The following PTGER3 variants were observed in gnomAD, a reference collection of about 807,000 sequenced individuals.
PTGER3 encodes prostaglandin E2 receptor EP3 subtype.
PTGER3 carries 22 observed loss-of-function variants against 34.7 expected under a neutral mutation model. The ratio of observed to expected loss-of-function variants is 0.63; its 90% CI spans 0.45 to 0.91. The LOEUF is 0.91. Among genes scored for constraint, PTGER3 ranks in the 40% least tolerant of loss-of-function variants. The pLI is 0.00. For synonymous variants in PTGER3, 241 were observed against 230.1 expected (o/e 1.05, Z -0.43); for missense variants, 468 against 519.4 (o/e 0.90, Z 0.96).
chr1:70,879,048 TG>T (rs1646330802), intron 4 of PTGER3, among the ~76,000 whole-genome samples: 1 of 152,180 alleles, frequency 6.6e-6, no homozygotes, highest in Admixed American at 6.5e-5. Context: ...CTCAATGATA[TG>T]GTTAATATGG....
intron 4 of PTGER3, among the ~76,000 whole-genome samples, chr1:70,855,736 A>G (rs537152834): frequency 2.0e-5 from 3 of 152,310 alleles, no homozygotes; most frequent in African/African-American, 4.8e-5. Context: ...CTCATCATTG[A>G]TAAAATCCAA....
At chr1:70,977,340 G>T (rs952755267) in intron 2 of PTGER3, among the ~76,000 whole-genome samples, 4 of 152,074 alleles carry the variant, frequency 2.6e-5, no homozygotes, top group African/African-American at 9.7e-5. Flanking sequence ...TATTCACAGA[G>T]CCATGCTGCC....
intron 2 of PTGER3, among the ~76,000 whole-genome samples, chr1:70,998,977 C>G (rs1395308980): frequency 6.6e-6 from 1 of 152,178 alleles, no homozygotes; most frequent in South Asian, 2.1e-4. Flanking sequence ...GTCAGGAGAT[C>G]GAGACCATCG....
intron 4 of PTGER3, among the ~76,000 whole-genome samples, chr1:70,863,313 A>G (rs779177582): frequency 3.3e-5 from 5 of 152,144 alleles, no homozygotes; most frequent in Non-Finnish European, 5.9e-5. Flanking sequence ...CTACAAATCA[A>G]GATGTATTAC....
intron 4 of PTGER3, among the ~76,000 whole-genome samples, chr1:70,932,267 A>G (rs1057006823): frequency 7.2e-5 from 11 of 151,970 alleles, no homozygotes; most frequent in African/African-American, 2.7e-4. Context: ...AAAGCCATTC[A>G]TCAAGTCTCT....
intron 2 of PTGER3, among the ~76,000 whole-genome samples, chr1:71,001,960 C>T (rs1443703443): frequency 4.6e-5 from 7 of 152,122 alleles, no homozygotes; most frequent in Non-Finnish European, 1.0e-4. Context: ...TTGTATAGCA[C>T]TTTCAAGTGT....
intron 4 of PTGER3, among the ~76,000 whole-genome samples, chr1:70,909,153 AAAT>A (rs1305707313): frequency 6.6e-6 from 1 of 152,234 alleles, no homozygotes; most frequent in Non-Finnish European, 1.5e-5. Flanking sequence ...GAGCTACTAT[AAAT>A]AAAGCTTATG....
chr1:70,963,396 G>T (rs994827650), intron 2 of PTGER3, among the ~76,000 whole-genome samples: 1 of 152,120 alleles, frequency 6.6e-6, no homozygotes, highest in African/African-American at 2.4e-5. Flanking sequence ...TCTCCCCTCC[G>T]TACTGCCCTA....
In PTGER3 at chr1:71,047,297, C is replaced by A; in HGVS notation, c.281G>T (p.Trp94Leu). The A allele has an allele frequency of 6.2e-7, 1 of 1,602,808 alleles. No individual in the cohort carries two copies. The highest frequency in any genetic ancestry group is 8.5e-7 in the Non-Finnish European group (1 of 1,175,356). ...CCCGACCAGGTCGGTGAGCGCCAGC[C>A]AGCCGATGCACAGCAGGAAGGACTT... ...RKKSFLLCIG[W>L]LALTDLVGQL... The change falls in exon 1 of 4, where the codon TGG becomes TTG. Residue 94 changes from tryptophan (W) to leucine (L), a missense_variant. Trp to Leu is a moderately conservative substitution (Grantham distance 61). Around this residue, in one of 5 missense-constraint regions of PTGER3, gnomAD observed 151 missense variants for 133.5 expected, o/e 1.13. Transcript: ENST00000306666.
intron 4 of PTGER3, among the ~76,000 whole-genome samples, chr1:70,893,418 G>A (rs761065694): frequency 2.4e-4 from 36 of 152,130 alleles, no homozygotes; most frequent in Non-Finnish European, 4.9e-4. Flanking sequence ...AAAGACATCA[G>A]GACAAGGCCA....
chr1:70,994,650 G>A (rs11577923), intron 2 of PTGER3, among the ~76,000 whole-genome samples: 14,734 of 151,910 alleles, frequency 0.097, 803 homozygotes, highest in Middle Eastern at 0.19. Flanking sequence ...TAGAGACAGG[G>A]TTTCCCCATG....
intron 4 of PTGER3, among the ~76,000 whole-genome samples, chr1:70,911,434 C>T (rs1647059526): frequency 6.6e-6 from 1 of 152,074 alleles, no homozygotes; most frequent in Admixed American, 6.6e-5. Context: ...GAAATGTTTT[C>T]TCCCCAAGTT....
At chr1:70,989,303 C>A (rs538504199) in intron 2 of PTGER3, among the ~76,000 whole-genome samples, 11 of 152,100 alleles carry the variant, frequency 7.2e-5, no homozygotes, top group Admixed American at 1.3e-4. Context: ...TTGGGATAAT[C>A]AAATAAAATA....
chr1:70,915,242 T>C, intron 4 of PTGER3, among the ~76,000 whole-genome samples: 1 of 151,862 alleles, frequency 6.6e-6, no homozygotes, highest in East Asian at 1.9e-4. Context: ...ACAATCAATG[T>C]CCCCCTCACT....
At chr1:70,907,865 C>A (rs936588246) in intron 4 of PTGER3, among the ~76,000 whole-genome samples, 1 of 152,166 alleles carries the variant, frequency 6.6e-6, no homozygotes, top group African/African-American at 2.4e-5. Flanking sequence ...ACTGCTTGGG[C>A]AACACAGCTC....
At chr1:70,976,147 G>C (rs900033231) in intron 2 of PTGER3, among the ~76,000 whole-genome samples, 8 of 152,018 alleles carry the variant, frequency 5.3e-5, no homozygotes, top group African/African-American at 1.9e-4. Flanking sequence ...AAGAGGCACT[G>C]CAAGGTAGTT....
At chr1:70,908,668 A>C (rs61472990) in intron 4 of PTGER3, among the ~76,000 whole-genome samples, 4,380 of 152,250 alleles carry the variant, frequency 0.029, 232 homozygotes, top group African/African-American at 0.1. Context: ...GAACCCAATT[A>C]AGCCAGGGGT....
At chr1:70,942,719 C>T (rs565892124) in intron 4 of PTGER3, among the ~76,000 whole-genome samples, 4 of 152,096 alleles carry the variant, frequency 2.6e-5, no homozygotes, top group Non-Finnish European at 4.4e-5. Context: ...CAGACAGGGC[C>T]TTTAAATAAG....
At chr1:70,878,481 C>G (rs1249172627) in intron 4 of PTGER3, among the ~76,000 whole-genome samples, 1 of 151,948 alleles carries the variant, frequency 6.6e-6, no homozygotes, top group South Asian at 2.1e-4. Context: ...TCATTTTGCT[C>G]TAATTTTGGT....
Sources: allele counts gnomAD v4.1 joint callset (sites outside exome capture counted in the v4.1 genomes callset), GRCh38; gene constraint gnomAD v4.1.1; regional missense constraint gnomAD v4.1.1; transcripts MANE v1.5; gene names NCBI Gene and HGNC (gene_info 2026-07-23, HGNC 2026-07-21).